The following XXYLT1 variants were observed in gnomAD, a reference collection of about 807,000 sequenced individuals.
XXYLT1 encodes the protein UDP-xylose:alpha-xyloside alpha-1,3-xylosyltransferase.
XXYLT1 carries 20 observed loss-of-function variants against 28.9 expected under a neutral mutation model. The ratio of observed to expected loss-of-function variants is 0.69; its 90% CI spans 0.49 to 1.00. The LOEUF (loss-of-function observed/expected upper bound fraction) is 1.00, where lower values mean the gene tolerates loss of function less well. Ranked by LOEUF, XXYLT1 falls within the 50% of genes least tolerant of loss-of-function variation. The pLI is 0.00. For synonymous variants in XXYLT1, 257 were observed against 253.8 expected (o/e 1.01, Z -0.12); for missense variants, 542 against 560.1 (o/e 0.97, Z 0.33).
chr3:195,082,499 G>A (rs921489729), intron 3 of XXYLT1, among the ~76,000 whole-genome samples: 8 of 152,132 alleles, frequency 5.3e-5, no homozygotes, highest in Admixed American at 2.0e-4. Flanking sequence ...CAGGCATTTC[G>A]GCATAAACAC....
intron 2 of XXYLT1, among the ~76,000 whole-genome samples, chr3:195,204,427 C>T (rs1320581926): frequency 6.6e-6 from 1 of 152,046 alleles, no homozygotes; most frequent in Non-Finnish European, 1.5e-5. Flanking sequence ...AAGGTCCTCG[C>T]TTTCTCTCTC....
intron 2 of XXYLT1, among the ~76,000 whole-genome samples, chr3:195,216,298 A>C (rs1187369550): frequency 6.7e-6 from 1 of 148,190 alleles, no homozygotes; most frequent in Non-Finnish European, 1.5e-5. Flanking sequence ...AGAAGGCAAG[A>C]AATAACTAAA....
At chr3:195,162,970 T>A (rs1720946126) in intron 2 of XXYLT1, among the ~76,000 whole-genome samples, 1 of 152,130 alleles carries the variant, frequency 6.6e-6, no homozygotes, top group African/African-American at 2.4e-5. Context: ...TTCACATCTC[T>A]CTCGTGTCTG....
chr3:195,073,998 A>C (rs1039977203), intron 3 of XXYLT1, among the ~76,000 whole-genome samples: 2 of 152,074 alleles, frequency 1.3e-5, no homozygotes, highest in African/African-American at 2.4e-5. Context: ...CGTCCTCCCC[A>C]GTAAAGGGCA....
chr3:195,149,992 G>A (rs1720103796), intron 3 of XXYLT1, among the ~76,000 whole-genome samples: 2 of 152,162 alleles, frequency 1.3e-5, no homozygotes, highest in South Asian at 4.1e-4. Context: ...TAGGAAAGGG[G>A]TTAAGATGCT....
chr3:195,194,947 G>A (rs2108756338), intron 2 of XXYLT1, among the ~76,000 whole-genome samples: 1 of 152,246 alleles, frequency 6.6e-6, no homozygotes, highest in East Asian at 1.9e-4. Flanking sequence ...GGAAACATTT[G>A]GAGGAATGGA....
At chr3:195,262,650 G>C (rs1411633397) in intron 1 of XXYLT1, among the ~76,000 whole-genome samples, 5 of 152,216 alleles carry the variant, frequency 3.3e-5, no homozygotes, top group Non-Finnish European at 1.5e-5. Flanking sequence ...CCGTCGATCA[G>C]TGTATTTCAT....
chr3:195,094,374 G>A (rs187282337), intron 3 of XXYLT1, among the ~76,000 whole-genome samples: 2 of 152,156 alleles, frequency 1.3e-5, no homozygotes, highest in Admixed American at 1.3e-4. Context: ...GTGTCACCTC[G>A]CCCTTTGCCC....
chr3:195,219,183 G>A (rs1723711077), intron 2 of XXYLT1, among the ~76,000 whole-genome samples: 1 of 146,890 alleles, frequency 6.8e-6, no homozygotes, highest in South Asian at 2.2e-4. Context: ...TGGGAGGGGG[G>A]AGGGATAGCA....
At chr3:195,152,110 A>G (rs571512442) in intron 3 of XXYLT1, 1 of 152,526 alleles carries the variant, frequency 6.6e-6, no homozygotes, top group African/African-American at 2.4e-5. Flanking sequence ...TTTCCTCCAC[A>G]TCAAGCTTCT....
chr3:195,186,217 C>T (rs555634739), intron 2 of XXYLT1, among the ~76,000 whole-genome samples: 1 of 152,340 alleles, frequency 6.6e-6, no homozygotes, highest in Admixed American at 6.5e-5. Context: ...CTTCGTTGAG[C>T]TTCACTGTGC....
intron 1 of XXYLT1, among the ~76,000 whole-genome samples, chr3:195,268,339 G>A (rs541561496): frequency 6.6e-6 from 1 of 151,898 alleles, no homozygotes; most frequent in South Asian, 2.1e-4. Flanking sequence ...GCTGGGCCAG[G>A]AGAATCACTT....
Position 195,173,035 on chromosome 3 carries a change from C to T in XXYLT1, c.653-16454G>A, listed in dbSNP as rs962044812. 5.3e-5 allele frequency among the ~76,000 whole-genome samples: 8 copies of T among 152,234 alleles called. No individual in the cohort carries two copies. Among genetic ancestry groups the T allele is most frequent in the East Asian group, 1.9e-4 (1 of 5,172 alleles). ...AGAGAGGAGTGGTTTGGCAGCCCCC[C>T]GGGGCTGATCGACACCCCTACTTTC... On this transcript the variant is annotated intron_variant, in intron 2 of 3. Coordinates refer to ENST00000310380, the MANE Select transcript of XXYLT1 (RefSeq NM_152531.5). The surrounding 1 kb of genome is among the most constrained non-coding windows in gnomAD (Gnocchi z 4.3).
intron 3 of XXYLT1, among the ~76,000 whole-genome samples, chr3:195,110,836 G>GGCGTGTTGT (rs1560101694): frequency 2.1e-5 from 1 of 46,526 alleles, no homozygotes; most frequent in East Asian, 4.0e-4. Flanking sequence ...GTGTGTGTGT[G>GGCGTGTTGT]GTGTGTTGTG....
chr3:195,252,715 C>CAGAG (rs1345883267), intron 1 of XXYLT1, among the ~76,000 whole-genome samples: 63 of 141,772 alleles, frequency 4.4e-4, no homozygotes, highest in African/African-American at 1.8e-3. Flanking sequence ...CACACACACA[C>CAGAG]ACACACACAC....
chr3:195,109,521 CATGT>C (rs1460761704), intron 3 of XXYLT1, among the ~76,000 whole-genome samples: 7 of 134,858 alleles, frequency 5.2e-5, no homozygotes, highest in South Asian at 2.5e-4. Context: ...TATGAGTGTG[CATGT>C]GTGTGGTGTA....
chr3:195,150,170 C>T lies in XXYLT1; in HGVS notation c.785+6279G>A, dbSNP rs1406263291. The stretch of plus-strand genomic sequence containing the variant: ...GCCACCACCACCCAGGAGTGCTGCT[C>T]GTGCTAGGCACCATAAATACATTAT... On this transcript the variant is annotated intron_variant, in intron 3 of 3. Transcript: ENST00000310380. This position sits in a 1 kb window ranked among gnomAD's most constrained non-coding sequence, Gnocchi z 4.7. Among the ~76,000 whole-genome samples the T allele has an allele frequency of 6.6e-6, 1 of 152,004 alleles. No individual in the cohort carries two copies. The highest frequency in any genetic ancestry group is 6.6e-5 in the Admixed American group (1 of 15,264).
chr3:195,227,404 T>C (rs943362170), intron 1 of XXYLT1, among the ~76,000 whole-genome samples: 9 of 152,188 alleles, frequency 5.9e-5, no homozygotes, highest in African/African-American at 2.2e-4. Flanking sequence ...ACCCGGAAAC[T>C]GCTCTGTGCT....
intron 3 of XXYLT1, among the ~76,000 whole-genome samples, chr3:195,110,323 G>GTGTGTATATGTGTGGGT (rs561073733): frequency 5.9e-5 from 1 of 16,996 alleles, no homozygotes; most frequent in African/African-American, 2.6e-4. Flanking sequence ...TGTGGGTGAG[G>GTGTGTATATGTGTGGGT]GTGAGGTGTG....
Sources: allele counts gnomAD v4.1 joint callset (sites outside exome capture counted in the v4.1 genomes callset), GRCh38; gene constraint gnomAD v4.1.1; non-coding constraint Gnocchi (gnomAD v3.1); transcripts MANE v1.5; gene names NCBI Gene and HGNC (gene_info 2026-07-23, HGNC 2026-07-21).